Variants in DNMT3A observed in about 807,000 individuals in gnomAD.
The protein encoded by DNMT3A is DNA (cytosine-5)-methyltransferase 3A.
A neutral mutation model predicts 117.6 loss-of-function variants in DNMT3A; 267 were observed. The ratio of observed to expected loss-of-function variants is 2.27; its 90% confidence interval spans 2.05 to 2.51. The LOEUF (loss-of-function observed/expected upper bound fraction) is 2.51, where lower values mean the gene tolerates loss of function less well. Ranked by LOEUF, DNMT3A falls within the 30% of genes most tolerant of loss-of-function variation. DNMT3A has a pLI of 0.00. For synonymous variants in DNMT3A, 432 were observed against 474.8 expected (o/e 0.91, Z 1.17); for missense variants, 1,029 against 1,260.2 (o/e 0.82, Z 2.78).
intron 1 of DNMT3A, among the ~76,000 whole-genome samples, chr2:25,341,267 C>G (rs1463770773): frequency 9.0e-5 from 13 of 144,818 alleles, no homozygotes; most frequent in Non-Finnish European, 1.4e-4. Context: ...CTGCCGCCGC[C>G]GCGGAGCCTG....
chr2:25,265,773 C>T (rs1027811197), intron 6 of DNMT3A, among the ~76,000 whole-genome samples: 3 of 150,482 alleles, frequency 2.0e-5, no homozygotes, highest in African/African-American at 7.4e-5. Flanking sequence ...GAGCTGAGAT[C>T]ATGCCACTGC....
chr2:25,251,378 G>A (rs1363592909), intron 6 of DNMT3A, among the ~76,000 whole-genome samples: 1 of 152,020 alleles, frequency 6.6e-6, no homozygotes, highest in Admixed American at 6.5e-5. Flanking sequence ...CAGGGGGGCG[G>A]AGAAACCAGG....
At chr2:25,285,358 A>G (rs930985994) in intron 3 of DNMT3A, among the ~76,000 whole-genome samples, 1 of 152,246 alleles carries the variant, frequency 6.6e-6, no homozygotes, top group Admixed American at 6.5e-5. Flanking sequence ...TGGGAAAACA[A>G]AAACAAAAAC....
rs2033687754 is a variant in DNMT3A, at chr2:25,304,632, ACGGGGGTTCC to A, written c.73-4399_73-4390del. On this transcript the variant is annotated intron_variant, in intron 2 of 22. Transcript: ENST00000321117. This position sits in a 1 kb window ranked among gnomAD's most constrained non-coding sequence, Gnocchi z 4.3. ...ACTCTGCAGAGCTTAAACCTTTGCC[ACGGGGGTTCC>A]CGGGGGCCAGGAGGATCCAGCCAAG... is the stretch of plus-strand genomic sequence containing the variant. Among the ~76,000 whole-genome samples the A allele has an allele frequency of 6.6e-6, 1 of 152,212 alleles. No individual in the cohort carries two copies. The highest frequency in any genetic ancestry group is 6.5e-5 in the Admixed American group (1 of 15,280).
At chr2:25,241,816 C>G in intron 16 of DNMT3A, 109 bp from the exon 17 acceptor site, 1 of 1,399,220 alleles carries the variant, frequency 7.1e-7, no homozygotes, top group Non-Finnish European at 9.7e-7. Context: ...GCTGTAGGCC[C>G]AAGTCCTATC....
intron 4 of DNMT3A, among the ~76,000 whole-genome samples, chr2:25,279,451 T>G (rs1295864974): frequency 6.6e-6 from 1 of 152,180 alleles, no homozygotes; most frequent in Non-Finnish European, 1.5e-5. Context: ...ATGTGTTCTA[T>G]GTCAGCTGAC....
chr2:25,272,150 C>A (rs764339643), intron 6 of DNMT3A, among the ~76,000 whole-genome samples: 31 of 152,194 alleles, frequency 2.0e-4, no homozygotes, highest in Admixed American at 1.6e-3. Flanking sequence ...CTATGCCCAG[C>A]TAATTTTTGT....
chr2:25,241,136 C>G (rs1673978714), intron 17 of DNMT3A, among the ~76,000 whole-genome samples: 1 of 152,166 alleles, frequency 6.6e-6, no homozygotes, highest in African/African-American at 2.4e-5. Context: ...GCCTGAGCCT[C>G]CCAGATATGG....
In DNMT3A at chr2:25,236,394, A is replaced by G. The variant is rs1673374682; in HGVS notation, c.2478+542T>C. On this transcript the variant is annotated intron_variant, in intron 21 of 22. Transcript: ENST00000321117. The surrounding 1 kb of genome is among the most constrained non-coding windows in gnomAD (Gnocchi z 4.5). ...CACAGACTTTAGAAGTAGAAGCTGT[A>G]GCCACTGTACTTTCCAAGTCTTCCA... 6.6e-6 allele frequency among the ~76,000 whole-genome samples: 1 copy of G among 152,220 alleles called. No homozygotes were observed. Among genetic ancestry groups the G allele is most frequent in the African/African-American group, 2.4e-5 (1 of 41,468 alleles).
Position 25,298,039 on chromosome 2 carries a change from C to T in DNMT3A, c.177+2100G>A, listed in dbSNP as rs1488534319. Among the ~76,000 whole-genome samples, 1 of 152,252 alleles carries T rather than the reference C, an allele frequency of 6.6e-6. No homozygotes were observed. The highest frequency in any genetic ancestry group is 1.9e-4 in the East Asian group (1 of 5,198). On this transcript the variant is annotated intron_variant, in intron 3 of 22. Transcript: ENST00000321117. This position sits in a 1 kb window ranked among gnomAD's most constrained non-coding sequence, Gnocchi z 4.3. ...AGGTTTGGCCAGGCGGGGGCAGGCC[C>T]GACCTTTGCTGAGGCTCCTTGGTGC...
intron 16 of DNMT3A, chr2:25,242,164 C>T: frequency 5.6e-6 from 1 of 177,640 alleles, no homozygotes; most frequent in Non-Finnish European, 1.2e-5. Flanking sequence ...CCTGGAATCA[C>T]CGCCCCCTCC....
At chr2:25,267,970 C>T (rs1284321521) in intron 6 of DNMT3A, among the ~76,000 whole-genome samples, 1 of 152,146 alleles carries the variant, frequency 6.6e-6, no homozygotes, top group Non-Finnish European at 1.5e-5. Context: ...TGCCTAAGGT[C>T]CCACACCCAG....
In DNMT3A at chr2:25,248,262, CAA is replaced by C; in HGVS notation, c.640-12_640-11del. On this transcript the variant is annotated splice_polypyrimidine_tract_variant and intron_variant, in intron 6 of 22. Coordinates refer to ENST00000321117, the MANE Select transcript of DNMT3A (RefSeq NM_022552.5). ...TGGCTTTCTTCTCAGCCTGGGGAAA[CAA>C]AAAACAAAAAGTCACCTTGACCTCT... 1 of 1,607,358 alleles carries C rather than the reference CAA, an allele frequency of 6.2e-7. No homozygotes were observed. Among genetic ancestry groups the C allele is most frequent in the South Asian group, 1.1e-5 (1 of 89,930 alleles).
At chr2:25,312,774 G>T (rs534083089) in intron 2 of DNMT3A, among the ~76,000 whole-genome samples, 19 of 152,342 alleles carry the variant, frequency 1.2e-4, no homozygotes, top group Middle Eastern at 3.4e-3. Flanking sequence ...AGCTGAGCAC[G>T]CAAGAGGGAG....
chr2:25,240,428 AAAG>A lies in DNMT3A; in HGVS notation c.2193_2195del (p.Phe732del), dbSNP rs761103716. The stretch of plus-strand genomic sequence containing the variant: ...CATCATGCAGGAGGCGGTAGAACTC[AAAG>A]AAGAGCCGGCCAGTGCCCTCTGAGA... On this transcript the variant is annotated inframe_deletion, in exon 19 of 23. Coordinates refer to ENST00000321117, the MANE Select transcript of DNMT3A (RefSeq NM_022552.5). 52 of 1,611,398 alleles carry A rather than the reference AAAG, an allele frequency of 3.2e-5. No individual in the cohort carries two copies. Among genetic ancestry groups the A allele is most frequent in the East Asian group, 6.7e-5 (3 of 44,878 alleles).
Position 25,305,776 on chromosome 2 carries a change from C to T in DNMT3A, c.73-5533G>A, listed in dbSNP as rs889206990. ...CAAGGCACACTGGCATTCACAGGCA[C>T]AGACACTCTGGGCTGGCTGTGCCCA... On this transcript the variant is annotated intron_variant, in intron 2 of 22. Transcript: ENST00000321117. This position sits in a 1 kb window ranked among gnomAD's most constrained non-coding sequence, Gnocchi z 4.1. 3.3e-5 allele frequency among the ~76,000 whole-genome samples: 5 copies of T among 152,214 alleles called. No homozygotes were observed. The highest frequency in any genetic ancestry group is 9.6e-5 in the African/African-American group (4 of 41,456).
At chr2:25,263,659 A>G (rs879830222) in intron 6 of DNMT3A, among the ~76,000 whole-genome samples, 1 of 152,128 alleles carries the variant, frequency 6.6e-6, no homozygotes, top group Non-Finnish European at 1.5e-5. Context: ...TAAAGCAGAG[A>G]GAACATTGGC....
At chr2:25,241,266 A>T (rs1018638864) in intron 17 of DNMT3A, among the ~76,000 whole-genome samples, 1 of 152,214 alleles carries the variant, frequency 6.6e-6, no homozygotes, top group Non-Finnish European at 1.5e-5. Flanking sequence ...TCAAGTAGGC[A>T]CTATGTTGCC....
In DNMT3A at chr2:25,324,294, T is replaced by A. The variant is rs375734030; in HGVS notation, c.-177-10133A>T. 5.9e-5 allele frequency among the ~76,000 whole-genome samples: 9 copies of A among 152,334 alleles called. No individual in the cohort carries two copies. The East Asian group carries it at 1.2e-3, about 20-fold the overall frequency. On this transcript the variant is annotated intron_variant, in intron 1 of 22. Coordinates refer to ENST00000321117, the MANE Select transcript of DNMT3A (RefSeq NM_022552.5). Reference sequence around the variant, plus strand: ...TCCTATGAAGCAGGTCCTATTGTTATCCCCATTTTATAGAAGACATGGAGG... The same window carrying A: ...TCCTATGAAGCAGGTCCTATTGTTAACCCCATTTTATAGAAGACATGGAGG...
Sources: allele counts gnomAD v4.1 joint callset (sites outside exome capture counted in the v4.1 genomes callset), GRCh38; gene constraint gnomAD v4.1.1; non-coding constraint Gnocchi (gnomAD v3.1); transcripts MANE v1.5; gene names NCBI Gene and HGNC (gene_info 2026-07-23, HGNC 2026-07-21).